The following GRIA4 variants were observed in gnomAD, a reference collection of about 807,000 sequenced individuals.
The protein encoded by GRIA4 is glutamate ionotropic receptor AMPA type subunit 4, also known as glutamate receptor 4.
In GRIA4, 34 loss-of-function variants were observed where a neutral mutation model predicts 104.0. The ratio of observed to expected loss-of-function variants is 0.33; its 90% CI spans 0.25 to 0.44. The LOEUF is 0.44. Ranked by LOEUF, GRIA4 falls within the 20% of genes least tolerant of loss-of-function variation. GRIA4 has a pLI of 1.00. For missense variants in GRIA4, 750 were observed against 1,096.5 expected, an observed-to-expected ratio of 0.68 and a Z score of 4.46; for synonymous variants, 386 against 381.9, an observed-to-expected ratio of 1.01 and a Z score of -0.13.
chr11:105,902,386 A>T (rs1946891613), intron 7 of GRIA4, among the ~76,000 whole-genome samples: 2 of 150,180 alleles, frequency 1.3e-5, no homozygotes, highest in Admixed American at 1.3e-4. Flanking sequence ...GCTGGAGTGC[A>T]GTGGCACAAT....
At chr11:105,911,308 T>A (rs999520590) in intron 10 of GRIA4, among the ~76,000 whole-genome samples, 1 of 152,030 alleles carries the variant, frequency 6.6e-6, no homozygotes, top group East Asian at 1.9e-4. Flanking sequence ...TAATAGAATA[T>A]CTTATATATT....
intron 6 of GRIA4, among the ~76,000 whole-genome samples, chr11:105,891,039 T>C (rs561963140): frequency 3.9e-5 from 6 of 152,298 alleles, no homozygotes; most frequent in South Asian, 2.1e-4. Context: ...GAAAACCTTA[T>C]CTGTCAGTTG....
chr11:105,673,077 G>C (rs1376274521), intron 3 of GRIA4, among the ~76,000 whole-genome samples: 2 of 152,092 alleles, frequency 1.3e-5, no homozygotes, highest in East Asian at 3.9e-4. Flanking sequence ...CTCCAGATGT[G>C]GCTGAAAAAG....
At chr11:105,679,679 A>C (rs1019412118) in intron 3 of GRIA4, among the ~76,000 whole-genome samples, 4 of 152,124 alleles carry the variant, frequency 2.6e-5, no homozygotes, top group Admixed American at 6.6e-5. Context: ...TAAGAACAGG[A>C]AAAAAAGATT....
intron 16 of GRIA4, among the ~76,000 whole-genome samples, chr11:105,976,891 G>T (rs957326049): frequency 3.3e-5 from 5 of 151,796 alleles, no homozygotes; most frequent in African/African-American, 1.2e-4. Context: ...TGTAAGTATA[G>T]GAAATAAAAA....
chr11:105,612,335 C>T lies in GRIA4; in HGVS notation c.148C>T (p.Leu50Phe). ...EYTAFRLAIF[L>F]HNTSPNASEA... The stretch of plus-strand genomic sequence containing the variant: ...CACTGCTTTTCGATTAGCAATTTTT[C>T]TTCATAACACCAGCCCCAATGCGTC... The change falls in exon 3 of 17, where the codon CTT becomes TTT. Residue 50 changes from leucine to phenylalanine, a missense_variant. By Grantham distance (22) the Leu-to-Phe change is conservative (BLOSUM62 0). Coordinates refer to ENST00000282499, the MANE Select transcript of GRIA4 (RefSeq NM_000829.4). 3.7e-6 allele frequency: 6 copies of T among 1,614,056 alleles called. No individual in the cohort carries two copies. The highest frequency in any genetic ancestry group is 5.1e-6 in the Non-Finnish European group (6 of 1,179,918).
chr11:105,763,340 G>A (rs1940760419), intron 4 of GRIA4, among the ~76,000 whole-genome samples: 1 of 152,132 alleles, frequency 6.6e-6, no homozygotes, highest in South Asian at 2.1e-4. Flanking sequence ...ATGTGGGTGT[G>A]ATGACAGTGT....
chr11:105,864,522 G>A (rs553424678), intron 5 of GRIA4, among the ~76,000 whole-genome samples: 3 of 152,266 alleles, frequency 2.0e-5, no homozygotes, highest in Non-Finnish European at 4.4e-5. Context: ...TCAGAAGATG[G>A]TGAAATTAAT....
At chr11:105,901,078 A>G (rs1946838239) in intron 7 of GRIA4, among the ~76,000 whole-genome samples, 1 of 152,126 alleles carries the variant, frequency 6.6e-6, no homozygotes, top group South Asian at 2.1e-4. Context: ...TTTCACTCCT[A>G]TAAACTCTCT....
chr11:105,886,902 T>G (rs1946284521), intron 5 of GRIA4, among the ~76,000 whole-genome samples: 2 of 151,364 alleles, frequency 1.3e-5, no homozygotes, highest in South Asian at 4.1e-4. Flanking sequence ...TCTGAAAACA[T>G]TCTCAGAAAA....
chr11:105,965,450 A>T (rs977259481), intron 14 of GRIA4, among the ~76,000 whole-genome samples: 2 of 151,702 alleles, frequency 1.3e-5, no homozygotes, highest in Admixed American at 6.6e-5. Flanking sequence ...AGCACACTAA[A>T]CCCACATAAA....
intron 4 of GRIA4, among the ~76,000 whole-genome samples, chr11:105,856,234 T>C (rs956546728): frequency 6.6e-6 from 1 of 152,124 alleles, no homozygotes; most frequent in African/African-American, 2.4e-5. Context: ...GCTGTAATCA[T>C]CCCTCTAAGA....
intron 10 of GRIA4, among the ~76,000 whole-genome samples, chr11:105,917,451 AG>A (rs1015616233): frequency 4.6e-5 from 7 of 152,222 alleles, no homozygotes; most frequent in African/African-American, 1.7e-4. Flanking sequence ...GAATTAGTGT[AG>A]GTTGCCATGT....
intron 3 of GRIA4, among the ~76,000 whole-genome samples, chr11:105,670,643 C>A (rs765851092): frequency 6.6e-5 from 10 of 152,068 alleles, no homozygotes; most frequent in Non-Finnish European, 1.5e-4. Flanking sequence ...TTTCTCACAT[C>A]CTTAGCTATA....
chr11:105,668,920 G>A (rs1952269951), intron 3 of GRIA4, among the ~76,000 whole-genome samples: 1 of 151,638 alleles, frequency 6.6e-6, no homozygotes, highest in Admixed American at 6.6e-5. Context: ...CGACTTTCCT[G>A]AGCTCCATGT....
chr11:105,792,971 T>C (rs570319772), intron 4 of GRIA4, among the ~76,000 whole-genome samples: 114 of 152,296 alleles, frequency 7.5e-4, no homozygotes, highest in African/African-American at 2.6e-3. Context: ...ATTGAGATGT[T>C]CAACAATACA....
At chr11:105,972,252 T>C (rs1251093643) in intron 15 of GRIA4, among the ~76,000 whole-genome samples, 1 of 152,184 alleles carries the variant, frequency 6.6e-6, no homozygotes, top group Non-Finnish European at 1.5e-5. Context: ...ACTGCAAAAA[T>C]TCTTAAATAA....
chr11:105,922,195 A>C (rs1947583615), intron 11 of GRIA4, among the ~76,000 whole-genome samples: 1 of 152,190 alleles, frequency 6.6e-6, no homozygotes, highest in Non-Finnish European at 1.5e-5. Flanking sequence ...ACAGTAATAC[A>C]TAAAAGAACA....
intron 3 of GRIA4, among the ~76,000 whole-genome samples, chr11:105,737,236 G>A (rs1939009789): frequency 6.6e-6 from 1 of 151,998 alleles, no homozygotes; most frequent in Non-Finnish European, 1.5e-5. Flanking sequence ...CAGCCCAAAT[G>A]TTTGAAAATT....
Sources: gnomAD v4.1 joint callset for allele counts (sites outside exome capture counted in the v4.1 genomes callset) on GRCh38, gnomAD v4.1.1 for gene constraint, MANE v1.5 for transcripts, NCBI Gene and HGNC (gene_info 2026-07-23, HGNC 2026-07-21) for gene names.